Variants in CDH5 observed in about 807,000 individuals in gnomAD.
CDH5 encodes cadherin 5, also known as cadherin-5.
CDH5 carries 28 observed loss-of-function variants against 62.0 expected under a neutral mutation model. That is an observed-to-expected ratio of 0.45 (90% CI 0.33 to 0.62). CDH5 has a LOEUF of 0.62. Among genes scored for constraint, CDH5 ranks in the 20% least tolerant of loss-of-function variants. The pLI is 0.02. For missense variants in CDH5, 940 were observed against 1,065.1 expected (o/e 0.88, Z 1.63); for synonymous variants, 464 against 445.8 (o/e 1.04, Z -0.52).
intron 1 of CDH5, among the ~76,000 whole-genome samples, chr16:66,370,414 G>T (rs1211710744): frequency 6.6e-6 from 1 of 152,182 alleles, no homozygotes; most frequent in Non-Finnish European, 1.5e-5. Flanking sequence ...GACCTATTTG[G>T]GAACAAGGAG....
Position 66,394,828 on chromosome 16 carries a change from A to G in CDH5, c.1218-1231A>G, listed in dbSNP as rs1961146852. Among the ~76,000 whole-genome samples the G allele has an allele frequency of 2.8e-5, 4 of 143,318 alleles. No individual in the cohort carries two copies. The South Asian group carries it at 8.9e-4, about 32-fold the overall frequency. The allele number at this position is 143,318 out of a possible 152,430, so 94.0% of individuals were successfully genotyped here. A position where few individuals can be genotyped will look rare whatever the true frequency, so the allele number is the denominator to read the frequency against. Reference sequence around the variant, plus strand: ...GTAAGTTTTCAAAAAAAAATTCAGGACACAAATATCTTAGTTCTTTGCCTT... The same window carrying G: ...GTAAGTTTTCAAAAAAAAATTCAGGGCACAAATATCTTAGTTCTTTGCCTT... On this transcript the variant is annotated intron_variant, in intron 7 of 11. Transcript: ENST00000341529.
rs138508847 is a variant in CDH5 at position 66,382,478 on chromosome 16, TGTC to T, written c.210+2935_210+2937del. ...GCGAGCTCTGTGTCATACAGGAAAA[TGTC>T]GTCAATCCACCTGCATCCTTCCCGG... On this transcript the variant is annotated intron_variant, in intron 2 of 11. Coordinates refer to ENST00000341529, the MANE Select transcript of CDH5 (RefSeq NM_001795.5). Among the ~76,000 whole-genome samples the T allele has an allele frequency of 3.2e-4, 48 of 152,180 alleles. No homozygotes were observed. In the East Asian group the frequency reaches 8.9e-3, roughly 28 times the overall value.
intron 3 of CDH5, 141 bp downstream of exon 3, chr16:66,387,238 A>C (rs1961002986): frequency 2.6e-6 from 2 of 779,184 alleles, no homozygotes; most frequent in East Asian, 2.7e-5. Context: ...GCCACTTTAC[A>C]TGATTTGAAA....
Position 66,404,428 on chromosome 16 carries a change from C to T in CDH5, c.*1259C>T, listed in dbSNP as rs1961351941. On this transcript the variant is annotated 3_prime_UTR_variant, in exon 12 of 12. Transcript: ENST00000341529. ...CACCAAGCTCACCCTTCGTCATGGA[C>T]CGAGGTTCCCACTCTGGGCAAAGCC... 6.6e-6 allele frequency: 1 copy of T among 152,272 alleles called. No homozygotes were observed. The highest frequency in any genetic ancestry group is 2.4e-5 in the African/African-American group (1 of 41,458). 9.4% of individuals were successfully genotyped at this position (152,272 alleles called of 1,614,324 possible).
At chr16:66,379,744 G>T (rs1267429781) in intron 2 of CDH5, among the ~76,000 whole-genome samples, 197 bp downstream of exon 2, 1 of 152,162 alleles carries the variant, frequency 6.6e-6, no homozygotes, top group South Asian at 2.1e-4. Flanking sequence ...TGGTAGCAAT[G>T]GTGGTGGTAG....
Position 66,403,149 on chromosome 16 carries a change from C to G in CDH5, c.2335C>G (p.Arg779Gly). The G allele has an allele frequency of 6.2e-7, 1 of 1,611,972 alleles. No individual in the cohort carries two copies. Among genetic ancestry groups the G allele is most frequent in the Non-Finnish European group, 8.5e-7 (1 of 1,179,562 alleles). Residue 779 changes from arginine to glycine, a missense_variant, in exon 12 of 12, where the codon CGG (arginine) becomes GGG (glycine). Physicochemically the swap from Arg to Gly is moderately radical, Grantham distance 125. Coordinates refer to ENST00000341529, the MANE Select transcript of CDH5 (RefSeq NM_001795.5). This position sits in a 1 kb window ranked among gnomAD's most constrained non-coding sequence, Gnocchi z 4.3. Reference sequence around the variant, plus strand: ...GGCTGAGCTGTACGGCTCGGACCCCCGGGAGGAGCTGCTGTATTAGGCGGC... The same window carrying G: ...GGCTGAGCTGTACGGCTCGGACCCCGGGGAGGAGCTGCTGTATTAGGCGGC... ...MLAELYGSDP[R>G]EELLY is the part of the protein sequence containing the mutation.
intron 9 of CDH5, 93 bp downstream of exon 9, chr16:66,398,199 G>GCTTTGAGGAA: frequency 5.6e-6 from 8 of 1,436,548 alleles, no homozygotes; most frequent in Middle Eastern, 1.8e-4. Context: ...GAGTTCCCCT[G>GCTTTGAGGAA]TACAATAGCC....
Position 66,402,835 on chromosome 16 carries a change from C to T in CDH5, c.2021C>T (p.Pro674Leu), listed in dbSNP as rs745701770. Reference protein sequence around the residue: ...NSVRRGGAKPPRPALDARPSL... With the variant: ...NSVRRGGAKPLRPALDARPSL... ...GTGCGCCGCGGCGGGGCCAAGCCCC[C>T]GCGGCCCGCGCTGGACGCCCGGCCT... Residue 674 changes from proline (P) to leucine (L), a missense_variant, in exon 12 of 12, where the codon CCG (proline) becomes CTG (leucine). Coordinates refer to ENST00000341529, the MANE Select transcript of CDH5 (RefSeq NM_001795.5). 22 of 1,598,114 alleles carry T rather than the reference C, an allele frequency of 1.4e-5. No homozygotes were observed. Among genetic ancestry groups the T allele is most frequent in the African/African-American group, 9.4e-5 (7 of 74,696 alleles).
chr16:66,395,258 C>T (rs2142336926), intron 7 of CDH5, among the ~76,000 whole-genome samples: 1 of 151,032 alleles, frequency 6.6e-6, no homozygotes, highest in Non-Finnish European at 1.5e-5. Context: ...TTCAAAAATA[C>T]TATCAATGTA....
rs1261974542 is a variant in CDH5, at chr16:66,398,172, C to T, written c.1485+66C>T. ...TGGGGCAGGCTGGGGGGCAGAACTG[C>T]TCAACAGAGTCAGCAGGAGTTCCCC... is the stretch of plus-strand genomic sequence containing the variant. On this transcript the variant is annotated intron_variant, in intron 9 of 11. Coordinates refer to ENST00000341529, the MANE Select transcript of CDH5 (RefSeq NM_001795.5). 3 of 1,582,944 alleles carry T rather than the reference C, an allele frequency of 1.9e-6. No homozygotes were observed. In the East Asian group the frequency reaches 6.7e-5, roughly 35 times the overall value.
At chr16:66,378,617 G>C (rs1040152890) in intron 1 of CDH5, among the ~76,000 whole-genome samples, 1 of 152,144 alleles carries the variant, frequency 6.6e-6, no homozygotes, top group Admixed American at 6.5e-5. Context: ...AGGATAACCT[G>C]AGCACCCAAT....
intron 1 of CDH5, among the ~76,000 whole-genome samples, chr16:66,378,284 A>G (rs1960820769): frequency 6.6e-6 from 1 of 152,200 alleles, no homozygotes. Flanking sequence ...AAGGGAAGTC[A>G]GGAGGAAAGG....
chr16:66,366,983 G>A (rs1295086583), intron 1 of CDH5, among the ~76,000 whole-genome samples: 1 of 152,256 alleles, frequency 6.6e-6, no homozygotes, highest in Non-Finnish European at 1.5e-5. Flanking sequence ...GGGCTGAGGG[G>A]GGCAGGGCAA....
chr16:66,398,037 G>T lies in CDH5; in HGVS notation c.1416G>T (p.Glu472Asp), dbSNP rs1175917371. ...AAGTCCACATTGAAGTTTTGGATGA[G>T]AATGACAATGCCCCGGAGTTTGCCA... The part of the protein sequence containing the change: ...IVQVHIEVLD[E>D]NDNAPEFAKP... Residue 472 changes from glutamate (E) to aspartate (D), a missense_variant, in exon 9 of 12, where the codon GAG becomes GAT. Coordinates refer to ENST00000341529, the MANE Select transcript of CDH5 (RefSeq NM_001795.5). 2.5e-6 allele frequency: 4 copies of T among 1,614,200 alleles called. No homozygotes were observed. The South Asian group carries it at 4.4e-5, about 18-fold the overall frequency.
In CDH5 at chr16:66,404,606, A is replaced by G. The variant is rs1366196505; in HGVS notation, c.*1437A>G. ...GTTTTTGCATAATAAGCAGGTTGTT[A>G]TTTAGGTTAACAATATTAATTCAGG... On this transcript the variant is annotated 3_prime_UTR_variant, in exon 12 of 12. Transcript: ENST00000341529. The G allele has an allele frequency of 1.3e-5, 2 of 152,466 alleles. No individual in the cohort carries two copies. Among genetic ancestry groups the G allele is most frequent in the Non-Finnish European group, 2.9e-5 (2 of 68,038 alleles). The allele number at this position is 152,466 out of a possible 1,614,324, so 9.4% of individuals were successfully genotyped here. A position where few individuals can be genotyped will look rare whatever the true frequency, so the allele number is the denominator to read the frequency against.
intron 7 of CDH5, chr16:66,395,503 C>CTTTTTTTTTTTTTTTTTTTTGTTTTT (rs1961164967): frequency 2.5e-5 from 2 of 80,956 alleles, no homozygotes; most frequent in African/African-American, 5.1e-5. Flanking sequence ...CTTTTCTTTT[C>CTTTTTTTTTTTTTTTTTTTTGTTTTT]TTTTTTTTTT....
At chr16:66,389,550 AG>A (rs769625369) in intron 5 of CDH5, 28 bp downstream of exon 5, 6 of 1,524,092 alleles carry the variant, frequency 3.9e-6, no homozygotes, top group South Asian at 3.8e-5. Context: ...GGCCCTGGGA[AG>A]GGGGGCTGGG....
intron 1 of CDH5, among the ~76,000 whole-genome samples, chr16:66,372,201 T>A (rs1406118795): frequency 6.6e-6 from 1 of 152,236 alleles, no homozygotes; most frequent in Non-Finnish European, 1.5e-5. Flanking sequence ...TCAAAGCACA[T>A]GTCACAATTT....
At chr16:66,372,509 AG>A (rs1596924911) in intron 1 of CDH5, among the ~76,000 whole-genome samples, 1 of 152,160 alleles carries the variant, frequency 6.6e-6, no homozygotes, top group East Asian at 1.9e-4. Context: ...CTATGCCTGG[AG>A]GCTCACCAGG....
Sources: allele counts gnomAD v4.1 joint callset (sites outside exome capture counted in the v4.1 genomes callset), GRCh38; gene constraint gnomAD v4.1.1; non-coding constraint Gnocchi (gnomAD v3.1); transcripts MANE v1.5; gene names NCBI Gene and HGNC (gene_info 2026-07-23, HGNC 2026-07-21).